The following NRXN3 variants were observed in gnomAD, a reference collection of about 807,000 sequenced individuals.
NRXN3 encodes the protein neurexin III.
A neutral mutation model predicts 137.6 loss-of-function variants in NRXN3; 32 were observed. The ratio of observed to expected loss-of-function variants is 0.23; its 90% CI spans 0.18 to 0.31. The LOEUF is 0.31. Among genes scored for constraint, NRXN3 ranks in the 10% least tolerant of loss-of-function variants. The pLI is 1.00. For synonymous variants in NRXN3, 798 were observed against 784.5 expected, an observed-to-expected ratio of 1.02 and a Z score of -0.29; for missense variants, 1,574 against 2,062.5, an observed-to-expected ratio of 0.76 and a Z score of 4.59.
chr14:79,171,288 G>T (rs2061753285), intron 15 of NRXN3, among the ~76,000 whole-genome samples: 1 of 152,098 alleles, frequency 6.6e-6, no homozygotes, highest in African/African-American at 2.4e-5. Flanking sequence ...TTCCGTGAGG[G>T]TTATATACCC....
At chr14:78,831,889 C>T (rs79639188) in intron 10 of NRXN3, among the ~76,000 whole-genome samples, 2,843 of 151,976 alleles carry the variant, frequency 0.019, 93 homozygotes, top group African/African-American at 0.065. Flanking sequence ...ATGAAAAATT[C>T]TTTCAAAATA....
At chr14:78,282,261 G>C (rs905818851) in intron 3 of NRXN3, 1 of 440,828 alleles carries the variant, frequency 2.3e-6, no homozygotes, top group South Asian at 1.6e-5. Context: ...CCTGCTTTTT[G>C]CCTGTTCTAG....
At chr14:78,301,010 G>A (rs1448709719) in intron 4 of NRXN3, among the ~76,000 whole-genome samples, 4 of 151,994 alleles carry the variant, frequency 2.6e-5, no homozygotes, top group Non-Finnish European at 4.4e-5. Flanking sequence ...ATATATTGAG[G>A]GAACAGGGGA....
intron 10 of NRXN3, among the ~76,000 whole-genome samples, chr14:78,814,998 C>T (rs2098927470): frequency 6.6e-6 from 1 of 152,128 alleles, no homozygotes; most frequent in African/African-American, 2.4e-5. Flanking sequence ...TTCTATTTCT[C>T]TTTCCTCTCA....
chr14:78,382,397 G>A (rs1024303594), intron 4 of NRXN3, among the ~76,000 whole-genome samples: 1 of 152,166 alleles, frequency 6.6e-6, no homozygotes, highest in African/African-American at 2.4e-5. Context: ...ATTTTTGTTA[G>A]TGATGCATTC....
chr14:78,193,057 G>A (rs2060894742), intron 1 of NRXN3, among the ~76,000 whole-genome samples: 1 of 152,162 alleles, frequency 6.6e-6, no homozygotes, highest in Non-Finnish European at 1.5e-5. Context: ...TTCTGAGATA[G>A]TGGATATTAT....
chr14:78,798,028 A>G (rs982174443), intron 8 of NRXN3, among the ~76,000 whole-genome samples: 1 of 152,158 alleles, frequency 6.6e-6, no homozygotes. Context: ...CAGCTAACCC[A>G]TATCATTCCA....
chr14:79,311,677 C>T lies in NRXN3; in HGVS notation c.3263-155544C>T, dbSNP rs1377630081. On this transcript the variant is annotated intron_variant, in intron 15 of 20. Transcript: ENST00000335750. ...TTTAGTCTTGGGAGAGTGTATGTGTCGAGGAATGTATCCATTTCTTCTAGA... is the reference window on the plus strand; with the variant it reads ...TTTAGTCTTGGGAGAGTGTATGTGTTGAGGAATGTATCCATTTCTTCTAGA... Among the ~76,000 whole-genome samples, 127 of 115,248 alleles carry T rather than the reference C, an allele frequency of 1.1e-3. 12 individuals are homozygous for T. Among genetic ancestry groups the T allele is most frequent in the Non-Finnish European group, 3.4e-4 (19 of 55,946 alleles). The allele number at this position is 115,248 out of a possible 152,430, so 75.6% of individuals were successfully genotyped here.
chr14:79,386,674 A>C (rs2094628900), intron 15 of NRXN3, among the ~76,000 whole-genome samples: 1 of 152,202 alleles, frequency 6.6e-6, no homozygotes, highest in Non-Finnish European at 1.5e-5. Flanking sequence ...ACAAAGCTGG[A>C]GGCATCACAC....
At position 78,715,073 on chromosome 14, in the gene NRXN3, G is replaced by A. The variant is rs746957936; in HGVS notation, c.1978G>A (p.Asp660Asn). The change falls in exon 8 of 21, where the codon GAC becomes AAC. Residue 660 changes from aspartate to asparagine, a missense_variant. Asp to Asn is a conservative substitution (Grantham distance 23). Around this residue, in one of 5 missense-constraint regions of NRXN3, gnomAD observed 718 missense variants for 887.6 expected, o/e 0.81. Transcript: ENST00000335750. ...CTGCAAGAATAATGCTGTGTGCAAG[G>A]ACGGCTGGAACCGCTTCATCTGCGA... ...YPCKNNAVCK[D>N]GWNRFICDCT... The A allele has an allele frequency of 3.1e-6, 5 of 1,613,498 alleles. No homozygotes were observed. The East Asian group carries it at 1.1e-4, about 36-fold the overall frequency.
At chr14:78,975,319 G>C (rs2099461047) in intron 14 of NRXN3, among the ~76,000 whole-genome samples, 1 of 152,214 alleles carries the variant, frequency 6.6e-6, no homozygotes, top group Non-Finnish European at 1.5e-5. Context: ...TTTGAGCTGA[G>C]TCTGAAGGAC....
chr14:79,698,835 T>G (rs1478402308), intron 19 of NRXN3, among the ~76,000 whole-genome samples: 1 of 152,034 alleles, frequency 6.6e-6, no homozygotes, highest in African/African-American at 2.4e-5. Flanking sequence ...TTTAAGACAT[T>G]ATCCAGGAGC....
At chr14:79,782,597 C>T (rs2099117222) in intron 19 of NRXN3, among the ~76,000 whole-genome samples, 1 of 152,108 alleles carries the variant, frequency 6.6e-6, no homozygotes, top group Non-Finnish European at 1.5e-5. Context: ...ATTAAACGAA[C>T]AACACAAATT....
At chr14:79,218,184 A>T (rs1212323624) in intron 15 of NRXN3, among the ~76,000 whole-genome samples, 1 of 152,304 alleles carries the variant, frequency 6.6e-6, no homozygotes, top group African/African-American at 2.4e-5. Flanking sequence ...TATAGTTTGC[A>T]CCCGAAAGCG....
chr14:78,272,434 G>T (rs927022519), intron 2 of NRXN3, among the ~76,000 whole-genome samples: 6 of 152,202 alleles, frequency 3.9e-5, no homozygotes, highest in Non-Finnish European at 5.9e-5. Flanking sequence ...TAAGGGTGGG[G>T]CAAGTATTGC....
intron 6 of NRXN3, among the ~76,000 whole-genome samples, chr14:78,672,565 G>A (rs543934586): frequency 3.3e-5 from 5 of 152,176 alleles, no homozygotes; most frequent in African/African-American, 9.7e-5. Context: ...TTGGGAGTAC[G>A]CCACCTATAG....
intron 10 of NRXN3, among the ~76,000 whole-genome samples, chr14:78,911,008 G>A (rs2099235806): frequency 6.6e-6 from 1 of 152,094 alleles, no homozygotes; most frequent in African/African-American, 2.4e-5. Context: ...TCCATTCAGA[G>A]TTCTGGTATT....
chr14:78,338,213 C>T (rs1022250493), intron 4 of NRXN3, among the ~76,000 whole-genome samples: 2 of 152,142 alleles, frequency 1.3e-5, no homozygotes, highest in African/African-American at 4.8e-5. Flanking sequence ...GCAACACCAT[C>T]TGACATGGTA....
At chr14:78,723,973 C>T (rs929395120) in intron 8 of NRXN3, among the ~76,000 whole-genome samples, 8 of 152,150 alleles carry the variant, frequency 5.3e-5, no homozygotes, top group African/African-American at 9.6e-5. Context: ...TTTGTAATCC[C>T]GGGTTTTAAA....
Sources: allele counts gnomAD v4.1 joint callset (sites outside exome capture counted in the v4.1 genomes callset), GRCh38; gene constraint gnomAD v4.1.1; regional missense constraint gnomAD v4.1.1; transcripts MANE v1.5; gene names NCBI Gene and HGNC (gene_info 2026-07-23, HGNC 2026-07-21).